FAT3: variants seen among roughly 807,000 people sequenced by gnomAD.
FAT3 encodes protocadherin Fat 3.
A neutral mutation model predicts 310.2 loss-of-function variants in FAT3; 95 were observed. The observed-to-expected ratio is 0.31, with a 90% confidence interval of 0.26 to 0.36. The LOEUF (loss-of-function observed/expected upper bound fraction) is 0.36. Among genes scored for constraint, FAT3 ranks in the 10% least tolerant of loss-of-function variants. FAT3 has a pLI of 1.00. For synonymous variants in FAT3, 2,314 were observed against 2,192.9 expected (o/e 1.06, Z -1.54); for missense variants, 5,408 against 5,715.6 (o/e 0.95, Z 1.74).
intron 2 of FAT3, among the ~76,000 whole-genome samples, chr11:92,422,148 C>A (rs1950544857): frequency 6.6e-6 from 1 of 152,126 alleles, no homozygotes; most frequent in Non-Finnish European, 1.5e-5. Context: ...TGCCTATACT[C>A]CACAAGTCTT....
intron 3 of FAT3, among the ~76,000 whole-genome samples, chr11:92,628,524 G>A (rs1010967881): frequency 3.3e-5 from 5 of 152,114 alleles, no homozygotes; most frequent in East Asian, 1.9e-4. Context: ...ACTAGGGGAA[G>A]CTTTTCTTCC....
chr11:92,801,682 C>T lies in FAT3; in HGVS notation c.8669C>T (p.Thr2890Ile). The T allele has an allele frequency of 1.2e-6, 2 of 1,613,980 alleles. No homozygotes were observed. Among genetic ancestry groups the T allele is most frequent in the Non-Finnish European group, 1.7e-6 (2 of 1,179,868 alleles). The change falls in exon 10 of 28, where the codon ACC becomes ATC. Residue 2890 changes from threonine (T) to isoleucine (I), a missense_variant. Thr to Ile is a moderately conservative substitution (Grantham distance 89). This residue lies in a region of FAT3 where 4,588 missense variants were observed against 4,809.8 expected (regional missense o/e 0.95). Transcript: ENST00000525166. ...GATCACGAGACAGACCCCACATTCA[C>T]CTTCTCTGTGGTGGCCTCTGACCTT... ...DLDHETDPTFTFSVVASDLGE... is the reference protein window; with the variant it reads ...DLDHETDPTFIFSVVASDLGE...
intron 3 of FAT3, among the ~76,000 whole-genome samples, chr11:92,528,286 CT>C (rs1240314009): frequency 1.3e-5 from 2 of 152,218 alleles, no homozygotes; most frequent in Non-Finnish European, 2.9e-5. Flanking sequence ...ACAGAGAACT[CT>C]TGCTTAATTC....
intron 19 of FAT3, among the ~76,000 whole-genome samples, chr11:92,856,917 A>T (rs1257273686): frequency 6.6e-6 from 1 of 152,174 alleles, no homozygotes; most frequent in Non-Finnish European, 1.5e-5. Context: ...GTTGGTCCAG[A>T]TGTAACTTAA....
chr11:92,434,316 T>A (rs907777196), intron 2 of FAT3, among the ~76,000 whole-genome samples: 3 of 152,200 alleles, frequency 2.0e-5, no homozygotes, highest in Admixed American at 2.0e-4. Context: ...GTTTACATCA[T>A]TTCTACTCAC....
At chr11:92,343,531 A>T (rs181878453) in intron 1 of FAT3, among the ~76,000 whole-genome samples, 23 of 152,318 alleles carry the variant, frequency 1.5e-4, no homozygotes, top group African/African-American at 5.5e-4. Flanking sequence ...TTGACTAAGT[A>T]AAACTAGATA....
At chr11:92,267,505 A>G (rs1254510481) in intron 1 of FAT3, among the ~76,000 whole-genome samples, 1 of 151,970 alleles carries the variant, frequency 6.6e-6, no homozygotes, top group African/African-American at 2.4e-5. Context: ...TCCTTGGGCC[A>G]AGAGTGGCAG....
At chr11:92,635,022 G>T (rs1472781646) in intron 3 of FAT3, among the ~76,000 whole-genome samples, 4 of 152,104 alleles carry the variant, frequency 2.6e-5, no homozygotes, top group African/African-American at 9.7e-5. Flanking sequence ...TTAGAAACTG[G>T]CCATGCTGAT....
chr11:92,680,917 A>G lies in FAT3; in HGVS notation c.3608-16467A>G, dbSNP rs556486066. The stretch of plus-strand genomic sequence containing the variant: ...TCCTTCTTGCTAGTTCCCTGATGGG[A>G]AACATCTAGAAACTTTTAGTGGTAG... On this transcript the variant is annotated intron_variant, in intron 3 of 27. Transcript: ENST00000525166. Among the ~76,000 whole-genome samples the G allele has an allele frequency of 3.3e-5, 5 of 152,330 alleles. No individual in the cohort carries two copies. The South Asian group carries it at 6.2e-4, about 19-fold the overall frequency.
At chr11:92,784,449 C>T (rs1946835169) in intron 7 of FAT3, among the ~76,000 whole-genome samples, 1 of 152,168 alleles carries the variant, frequency 6.6e-6, no homozygotes, top group African/African-American at 2.4e-5. Flanking sequence ...CCCTACTGCT[C>T]GCCCCATGGA....
At chr11:92,675,596 C>G (rs1943262011) in intron 3 of FAT3, among the ~76,000 whole-genome samples, 2 of 152,164 alleles carry the variant, frequency 1.3e-5, no homozygotes, top group Non-Finnish European at 2.9e-5. Context: ...AGTAGAGGTT[C>G]AGGCAGTTTG....
intron 2 of FAT3, among the ~76,000 whole-genome samples, chr11:92,445,763 T>G (rs954458902): frequency 6.6e-6 from 1 of 151,974 alleles, no homozygotes; most frequent in African/African-American, 2.4e-5. Flanking sequence ...GGGGAGCAGG[T>G]GGTGGTCTGT....
At chr11:92,651,472 T>C (rs544785005) in intron 3 of FAT3, among the ~76,000 whole-genome samples, 41 of 152,302 alleles carry the variant, frequency 2.7e-4, no homozygotes, top group South Asian at 8.3e-4. Context: ...AGAAAAGGCT[T>C]GTTGCTCCTC....
chr11:92,591,199 C>T (rs1383711998), intron 3 of FAT3, among the ~76,000 whole-genome samples: 1 of 152,018 alleles, frequency 6.6e-6, no homozygotes. Context: ...TTAAGATGGC[C>T]CTCTGGCTTT....
At chr11:92,463,629 A>T (rs1311900682) in intron 2 of FAT3, among the ~76,000 whole-genome samples, 1 of 152,180 alleles carries the variant, frequency 6.6e-6, no homozygotes, top group African/African-American at 2.4e-5. Flanking sequence ...GGAGTTTATT[A>T]AAAACACTGG....
chr11:92,357,248 C>T (rs546700887), intron 2 of FAT3, among the ~76,000 whole-genome samples: 7 of 152,298 alleles, frequency 4.6e-5, no homozygotes, highest in East Asian at 1.9e-4. Flanking sequence ...ATTCTTCCAA[C>T]AGCACCATGA....
rs762110900 is a variant in FAT3, at chr11:92,882,757, G to A, written c.12301G>A (p.Glu4101Lys). The A allele has an allele frequency of 1.2e-6, 2 of 1,605,856 alleles. No individual in the cohort carries two copies. The highest frequency in any genetic ancestry group is 8.5e-7 in the Non-Finnish European group (1 of 1,175,260). The change falls in exon 24 of 28, where the codon GAG becomes AAG. Residue 4101 changes from glutamate (E) to lysine (K), a missense_variant. Transcript: ENST00000525166. Reference sequence around the variant, plus strand: ...CCGCAGGTGTGAGGAGGACATCAATGAGTGCGAACGAGAGGAGTGTGAGAA... The same window carrying A: ...CCGCAGGTGTGAGGAGGACATCAATAAGTGCGAACGAGAGGAGTGTGAGAA... ...TGVTCEEDINECEREECENGG... is the reference protein window; with the variant it reads ...TGVTCEEDINKCEREECENGG...
chr11:92,452,450 G>A (rs1442542675), intron 2 of FAT3, among the ~76,000 whole-genome samples: 1 of 152,112 alleles, frequency 6.6e-6, no homozygotes, highest in Admixed American at 6.6e-5. Flanking sequence ...GAGGTCCTTC[G>A]AAATTATGAA....
chr11:92,514,526 G>T (rs1253286869), intron 2 of FAT3, among the ~76,000 whole-genome samples: 1 of 152,152 alleles, frequency 6.6e-6, no homozygotes, highest in Admixed American at 6.6e-5. Flanking sequence ...ATTCACTTGA[G>T]TCCTTTTCAC....
Sources: gnomAD v4.1 joint callset for allele counts (sites outside exome capture counted in the v4.1 genomes callset) on GRCh38, gnomAD v4.1.1 for gene constraint, gnomAD v4.1.1 regional missense constraint, MANE v1.5 for transcripts, NCBI Gene and HGNC (gene_info 2026-07-23, HGNC 2026-07-21) for gene names.